PPWD1: variants seen among roughly 807,000 people sequenced by gnomAD.
PPWD1 encodes peptidylprolyl isomerase domain and WD repeat-containing protein 1.
Under a neutral mutation model 68.8 loss-of-function variants are expected in PPWD1, and 43 were observed. That is an observed-to-expected ratio of 0.62 (90% CI 0.49 to 0.81). PPWD1 has a LOEUF of 0.81. Ranked by LOEUF, PPWD1 falls within the 30% of genes least tolerant of loss-of-function variation. The pLI, the probability that PPWD1 is intolerant of heterozygous loss-of-function variation, is 0.00. For synonymous variants in PPWD1, 232 were observed against 258.7 expected (o/e 0.90, Z 0.99); for missense variants, 672 against 804.8 (o/e 0.83, Z 2.00).
Position 65,572,073 on chromosome 5 carries a change from GCCT to G in PPWD1, c.761_763del (p.Pro254del). ...CTGGGATGATTGAATACTGGACTGG[GCCT>G]CCTCATGAATATAAATTCCCCAAAA... On this transcript the variant is annotated inframe_deletion, in exon 5 of 11. Coordinates refer to ENST00000261308, the MANE Select transcript of PPWD1 (RefSeq NM_015342.4). 1 of 1,613,616 alleles carries G rather than the reference GCCT, an allele frequency of 6.2e-7. No individual in the cohort carries two copies. Among genetic ancestry groups the G allele is most frequent in the African/African-American group, 1.3e-5 (1 of 75,024 alleles).
rs1753848258 is a variant in PPWD1, at chr5:65,586,331, A to C, written c.1797+150A>C. The C allele has an allele frequency of 3.6e-6, 3 of 839,052 alleles. 1 individual carries two copies. In the Admixed American group the frequency reaches 1.1e-4, roughly 30 times the overall value. 52.0% of individuals were successfully genotyped at this position (839,052 alleles called of 1,614,324 possible). A position where few individuals can be genotyped will look rare whatever the true frequency, so the allele number is the denominator to read the frequency against. On this transcript the variant is annotated intron_variant, in intron 10 of 10. Transcript: ENST00000261308. ...AATATGAAAATGATCAAGAATATAAAATTATGTGACTAATCAGTTTAGAAT... is the reference window on the plus strand; with the variant it reads ...AATATGAAAATGATCAAGAATATAACATTATGTGACTAATCAGTTTAGAAT...
intron 6 of PPWD1, among the ~76,000 whole-genome samples, chr5:65,578,745 T>A (rs1262936167): frequency 1.4e-5 from 2 of 142,062 alleles, no homozygotes; most frequent in African/African-American, 5.3e-5. Context: ...CATATATATA[T>A]ACACACATAT....
chr5:65,568,688 C>T (rs187239193), intron 2 of PPWD1, among the ~76,000 whole-genome samples: 23 of 152,152 alleles, frequency 1.5e-4, no homozygotes, highest in Admixed American at 1.4e-3. Flanking sequence ...AGGTGGATTA[C>T]TTTACACTTT....
At chr5:65,582,862 T>C (rs544522482) in intron 7 of PPWD1, 176 bp from the exon 8 acceptor site, 1 of 777,010 alleles carries the variant, frequency 1.3e-6, no homozygotes, top group Admixed American at 3.7e-5. Flanking sequence ...TATTAGACAA[T>C]GTAAAAATAA....
intron 5 of PPWD1, chr5:65,576,329 G>T: frequency 1.0e-6 from 1 of 977,444 alleles, no homozygotes; most frequent in Non-Finnish European, 1.2e-6. Context: ...AACCAACCGG[G>T]TTTTGTTTTA....
chr5:65,576,407 C>CAAAA, intron 5 of PPWD1: 1 of 901,066 alleles, frequency 1.1e-6, no homozygotes, highest in Non-Finnish European at 1.3e-6. Flanking sequence ...GACGGAGTCT[C>CAAAA]ACTCTGTCCC....
At chr5:65,582,163 G>A (rs989750392) in intron 7 of PPWD1, among the ~76,000 whole-genome samples, 1 of 152,176 alleles carries the variant, frequency 6.6e-6, no homozygotes, top group African/African-American at 2.4e-5. Flanking sequence ...TAGGGATGGA[G>A]GCACTAGCTT....
intron 1 of PPWD1, 61 bp downstream of exon 1, chr5:65,563,567 C>A: frequency 6.6e-7 from 1 of 1,525,912 alleles, no homozygotes. Flanking sequence ...TAGGAGGGTT[C>A]AAGCCAGATC....
In PPWD1 at chr5:65,587,235, A is replaced by G. The variant is rs2150613212; in HGVS notation, c.1798-18A>G. 3 of 1,584,068 alleles carry G rather than the reference A, an allele frequency of 1.9e-6. No homozygotes were observed. The highest frequency in any genetic ancestry group is 4.5e-5 in the East Asian group (2 of 44,126). On this transcript the variant is annotated intron_variant, in intron 10 of 10. Coordinates refer to ENST00000261308, the MANE Select transcript of PPWD1 (RefSeq NM_015342.4). ...AAATTGGGGTTTACCAAGATTTTCC[A>G]TTTGTCCTCCAACACAGCCTTGGCT... is the stretch of plus-strand genomic sequence containing the variant.
intron 8 of PPWD1, among the ~76,000 whole-genome samples, chr5:65,584,519 A>G (rs1438886224): frequency 6.6e-6 from 1 of 152,164 alleles, no homozygotes; most frequent in Non-Finnish European, 1.5e-5. Context: ...AACTTAACCT[A>G]TACTACTACA....
chr5:65,573,979 T>C (rs2150597331), intron 5 of PPWD1, among the ~76,000 whole-genome samples: 1 of 152,332 alleles, frequency 6.6e-6, no homozygotes, highest in African/African-American at 2.4e-5. Context: ...ACTATTGCCA[T>C]CAAGTGGTTC....
intron 2 of PPWD1, 163 bp downstream of exon 2, chr5:65,567,778 A>C: frequency 8.0e-7 from 1 of 1,245,540 alleles, no homozygotes; most frequent in Non-Finnish European, 1.0e-6. Context: ...TATCGTACAA[A>C]TAATGCATTC....
intron 4 of PPWD1, among the ~76,000 whole-genome samples, chr5:65,571,561 T>C (rs1207815583): frequency 6.6e-6 from 1 of 152,228 alleles, no homozygotes; most frequent in Admixed American, 6.5e-5. Context: ...TAGGTTTCCT[T>C]ATCTGCCCAA....
chr5:65,563,709 C>G, intron 1 of PPWD1: 2 of 1,399,452 alleles, frequency 1.4e-6, no homozygotes, highest in Non-Finnish European at 9.8e-7. Context: ...TTGATAATAT[C>G]TAACACTTTT....
intron 8 of PPWD1, among the ~76,000 whole-genome samples, chr5:65,583,802 A>T (rs1040722576): frequency 6.6e-6 from 1 of 152,114 alleles, no homozygotes; most frequent in East Asian, 1.9e-4. Flanking sequence ...ATTTTTTTTT[A>T]TTAGCTGGGC....
intron 1 of PPWD1, chr5:65,564,069 A>G (rs1267180549): frequency 3.7e-6 from 2 of 547,818 alleles, no homozygotes; most frequent in Non-Finnish European, 6.5e-6. Flanking sequence ...GTGGTTTTGA[A>G]ATCACGCTCT....
chr5:65,573,549 T>TTTTTTTTTTTTTTTTTTTC, intron 5 of PPWD1, among the ~76,000 whole-genome samples: 1 of 53,394 alleles, frequency 1.9e-5, no homozygotes, highest in Non-Finnish European at 3.7e-5. Flanking sequence ...TTTTTTTTTT[T>TTTTTTTTTTTTTTTTTTTC]TTTTAAGTAC....
intron 5 of PPWD1, among the ~76,000 whole-genome samples, chr5:65,574,153 C>T (rs1436513096): frequency 1.3e-5 from 2 of 152,184 alleles, no homozygotes; most frequent in African/African-American, 2.4e-5. Flanking sequence ...TTTGGTGGCA[C>T]GTGGTAATAA....
At chr5:65,566,847 T>C (rs567070064) in intron 1 of PPWD1, among the ~76,000 whole-genome samples, 6 of 151,114 alleles carry the variant, frequency 4.0e-5, no homozygotes, top group Non-Finnish European at 7.4e-5. Flanking sequence ...AGTAAAATTG[T>C]TCATACCTCA....
Sources: gnomAD v4.1 joint callset for allele counts (sites outside exome capture counted in the v4.1 genomes callset) on GRCh38, gnomAD v4.1.1 for gene constraint, MANE v1.5 for transcripts, NCBI Gene and HGNC (gene_info 2026-07-23, HGNC 2026-07-21) for gene names.